The following PPM1H variants were observed in gnomAD, a reference collection of about 807,000 sequenced individuals.
PPM1H encodes protein phosphatase 1H.
Under a neutral mutation model 54.9 loss-of-function variants are expected in PPM1H, and 27 were observed. That is an observed-to-expected ratio of 0.49 (90% CI 0.36 to 0.68). PPM1H has a LOEUF of 0.68. Ranked by LOEUF, PPM1H falls within the 30% of genes least tolerant of loss-of-function variation. The pLI is 0.00. For synonymous variants in PPM1H, 305 were observed against 270.8 expected (o/e 1.13, Z -1.24); for missense variants, 596 against 667.8 (o/e 0.89, Z 1.19).
intron 8 of PPM1H, 89 bp from the exon 9 acceptor site, chr12:62,667,418 C>T (rs913918516): frequency 5.0e-6 from 6 of 1,193,086 alleles, no homozygotes; most frequent in Non-Finnish European, 4.6e-6. Context: ...CTTCCCTTTT[C>T]CTGCCCAGCC....
chr12:62,823,579 C>G (rs2076917667), intron 2 of PPM1H, among the ~76,000 whole-genome samples: 1 of 152,294 alleles, frequency 6.6e-6, no homozygotes, highest in Admixed American at 6.5e-5. Context: ...CCCTGGGATG[C>G]AAGGCTTGTT....
intron 1 of PPM1H, among the ~76,000 whole-genome samples, chr12:62,849,198 A>G (rs530223054): frequency 6.6e-6 from 1 of 152,230 alleles, no homozygotes; most frequent in Non-Finnish European, 1.5e-5. Flanking sequence ...TGAAAGGTGA[A>G]TAACCATCTG....
At chr12:62,834,724 C>G (rs1259515405) in intron 1 of PPM1H, among the ~76,000 whole-genome samples, 1 of 152,190 alleles carries the variant, frequency 6.6e-6, no homozygotes, top group Non-Finnish European at 1.5e-5. Context: ...GGGCCTGCTG[C>G]TGAAGCTCGT....
intron 4 of PPM1H, among the ~76,000 whole-genome samples, chr12:62,742,852 T>G (rs1322215620): frequency 6.6e-6 from 1 of 152,146 alleles, no homozygotes; most frequent in Non-Finnish European, 1.5e-5. Context: ...ACCATTCCCA[T>G]ACAGAGGGGA....
At position 62,934,874 on chromosome 12, in the gene PPM1H, C is replaced by T. The variant is rs2120379215; in HGVS notation, c.-138G>A. ...CACTGGGACGCGCCGCGCGCGGCTC[C>T]CAGAGCCTAGTGCTGCAGGGGGCCG... On this transcript the variant is annotated 5_prime_UTR_variant, in exon 1 of 10. Transcript: ENST00000228705. The surrounding 1 kb of genome is among the most constrained non-coding windows in gnomAD (Gnocchi z 4.2). 4 of 870,200 alleles carry T rather than the reference C, an allele frequency of 4.6e-6. 1 individual carries two copies. The South Asian group carries it at 2.3e-4, about 51-fold the overall frequency. The allele number at this position is 870,200 out of a possible 1,614,324, so 53.9% of individuals were successfully genotyped here. A position where few individuals can be genotyped will look rare whatever the true frequency, so the allele number is the denominator to read the frequency against.
At chr12:62,921,366 T>C (rs974944595) in intron 1 of PPM1H, among the ~76,000 whole-genome samples, 2 of 152,172 alleles carry the variant, frequency 1.3e-5, no homozygotes, top group African/African-American at 4.8e-5. Context: ...GAAAGTACAG[T>C]AGAGCACACA....
At chr12:62,796,556 G>A (rs1336115777) in intron 3 of PPM1H, among the ~76,000 whole-genome samples, 1 of 152,198 alleles carries the variant, frequency 6.6e-6, no homozygotes, top group East Asian at 1.9e-4. Flanking sequence ...GATGCATACG[G>A]TGTGGAGCTT....
At chr12:62,658,811 C>G (rs2075863038) in intron 9 of PPM1H, 1 of 504,600 alleles carries the variant, frequency 2.0e-6, no homozygotes, top group African/African-American at 2.0e-5. Flanking sequence ...CCATCTCCTC[C>G]TTGGCATCAG....
At chr12:62,732,161 C>G (rs1002451934) in intron 5 of PPM1H, among the ~76,000 whole-genome samples, 1 of 152,226 alleles carries the variant, frequency 6.6e-6, no homozygotes, top group Non-Finnish European at 1.5e-5. Flanking sequence ...GTCCCTTGAA[C>G]TCCTCATCAC....
chr12:62,666,971 C>A (rs1416657124), intron 9 of PPM1H, among the ~76,000 whole-genome samples: 1 of 152,204 alleles, frequency 6.6e-6, no homozygotes, highest in Non-Finnish European at 1.5e-5. Flanking sequence ...CTTGGCCCCC[C>A]AAAGTGCTGG....
chr12:62,893,785 C>T (rs977952289), intron 1 of PPM1H, among the ~76,000 whole-genome samples: 19 of 152,188 alleles, frequency 1.2e-4, no homozygotes, highest in Admixed American at 3.9e-4. Flanking sequence ...CCACACCCCG[C>T]GTTCATTTAA....
rs114802719 is a variant in PPM1H at position 62,849,941 on chromosome 12, A to G, written c.246-17662T>C. Among the ~76,000 whole-genome samples the G allele has an allele frequency of 3.5e-3, 535 of 152,296 alleles. 4 individuals are homozygous for G. The highest frequency in any genetic ancestry group is 0.012 in the African/African-American group (517 of 41,562). On this transcript the variant is annotated intron_variant, in intron 1 of 9. Transcript: ENST00000228705. ...AGAAATTATAAATAGCAATTTACAGAGTAATTAAATAACAATTTTTTACTT... is the reference window on the plus strand; with the variant it reads ...AGAAATTATAAATAGCAATTTACAGGGTAATTAAATAACAATTTTTTACTT...
chr12:62,826,914 T>C (rs1253113114), intron 2 of PPM1H, among the ~76,000 whole-genome samples: 2 of 152,208 alleles, frequency 1.3e-5, no homozygotes, highest in Non-Finnish European at 2.9e-5. Context: ...ATCCTTATCT[T>C]TCTTATCACT....
intron 9 of PPM1H, among the ~76,000 whole-genome samples, chr12:62,666,738 G>C (rs1194830486): frequency 6.6e-6 from 1 of 151,988 alleles, no homozygotes; most frequent in Non-Finnish European, 1.5e-5. Context: ...TTTTGTGACA[G>C]AGGGTCGCTC....
intron 6 of PPM1H, among the ~76,000 whole-genome samples, chr12:62,711,729 G>A (rs2076208122): frequency 6.6e-6 from 1 of 152,154 alleles, no homozygotes; most frequent in Admixed American, 6.5e-5. Context: ...GCCACTTTAG[G>A]ACAATAAACT....
chr12:62,660,437 A>G (rs1341520999), intron 9 of PPM1H, among the ~76,000 whole-genome samples: 2 of 152,230 alleles, frequency 1.3e-5, no homozygotes, highest in Non-Finnish European at 2.9e-5. Flanking sequence ...TGACTTTAAA[A>G]TATACTACAA....
At chr12:62,772,799 T>C (rs889949640) in intron 4 of PPM1H, among the ~76,000 whole-genome samples, 3 of 152,188 alleles carry the variant, frequency 2.0e-5, no homozygotes, top group African/African-American at 7.2e-5. Flanking sequence ...TGGTTGGCTC[T>C]GTCAGCTGAC....
intron 1 of PPM1H, among the ~76,000 whole-genome samples, chr12:62,878,558 A>G (rs1311333507): frequency 6.9e-6 from 1 of 144,486 alleles, no homozygotes; most frequent in Non-Finnish European, 1.5e-5. Context: ...AAAGGGTCCC[A>G]TGGGAGGATG....
rs566356039 is a variant in PPM1H, at chr12:62,670,594, T to A, written c.1246-3265A>T. Among the ~76,000 whole-genome samples, 6 of 152,312 alleles carry A rather than the reference T, an allele frequency of 3.9e-5. No individual in the cohort carries two copies. In the South Asian group the frequency reaches 1.0e-3, roughly 26 times the overall value. On this transcript the variant is annotated intron_variant, in intron 8 of 9. Coordinates refer to ENST00000228705, the MANE Select transcript of PPM1H (RefSeq NM_020700.2). Reference sequence around the variant, plus strand: ...TGAAGTTGTCTTGTCCACACTCAAATGGAAATCTGGCCAACAGAATGGGTG... The same window carrying A: ...TGAAGTTGTCTTGTCCACACTCAAAAGGAAATCTGGCCAACAGAATGGGTG...
Sources: allele counts gnomAD v4.1 joint callset (sites outside exome capture counted in the v4.1 genomes callset), GRCh38; gene constraint gnomAD v4.1.1; non-coding constraint Gnocchi (gnomAD v3.1); transcripts MANE v1.5; gene names NCBI Gene and HGNC (gene_info 2026-07-23, HGNC 2026-07-21).